The following MAGI2 variants were observed in gnomAD, a reference collection of about 807,000 sequenced individuals.
MAGI2 encodes membrane associated guanylate kinase, WW and PDZ domain containing 2.
A neutral mutation model predicts 133.3 loss-of-function variants in MAGI2; 35 were observed. That is an observed-to-expected ratio of 0.26 (90% CI 0.20 to 0.35). The LOEUF (loss-of-function observed/expected upper bound fraction) is 0.35. Among genes scored for constraint, MAGI2 ranks in the 10% least tolerant of loss-of-function variants. MAGI2 has a pLI of 1.00. For missense variants in MAGI2, 1,636 were observed against 1,863.4 expected (o/e 0.88, Z 2.25); for synonymous variants, 729 against 710.6 (o/e 1.03, Z -0.41).
intron 2 of MAGI2, among the ~76,000 whole-genome samples, chr7:78,954,728 C>T (rs1358326349): frequency 6.6e-6 from 1 of 152,118 alleles, no homozygotes; most frequent in Non-Finnish European, 1.5e-5. Flanking sequence ...TTGAAAAGTG[C>T]TATTGAGCTG....
At chr7:78,558,266 A>G (rs946057879) in intron 3 of MAGI2, among the ~76,000 whole-genome samples, 1 of 152,200 alleles carries the variant, frequency 6.6e-6, no homozygotes, top group Admixed American at 6.5e-5. Context: ...ATTTAAAAAG[A>G]AACGTGGGTC....
chr7:78,565,796 T>G (rs1296083736), intron 3 of MAGI2, among the ~76,000 whole-genome samples: 1 of 152,150 alleles, frequency 6.6e-6, no homozygotes, highest in Non-Finnish European at 1.5e-5. Context: ...AATTTTGAAT[T>G]AAGAAAAATG....
chr7:78,250,914 G>A (rs536540947), intron 10 of MAGI2, among the ~76,000 whole-genome samples: 1 of 152,050 alleles, frequency 6.6e-6, no homozygotes, highest in Non-Finnish European at 1.5e-5. Context: ...TGACACCAAA[G>A]CCAGAGAAAT....
intron 2 of MAGI2, among the ~76,000 whole-genome samples, chr7:79,002,609 C>A (rs1314784645): frequency 6.6e-6 from 1 of 151,824 alleles, no homozygotes; most frequent in Non-Finnish European, 1.5e-5. Flanking sequence ...AAAAGTATAT[C>A]TGGGAGATAA....
intron 1 of MAGI2, among the ~76,000 whole-genome samples, chr7:79,189,045 G>C (rs2129550985): frequency 6.6e-6 from 1 of 151,726 alleles, no homozygotes; most frequent in South Asian, 2.1e-4. Context: ...TTTAAATTTT[G>C]TTGTTGTTTT....
chr7:78,107,471 A>G (rs928029927), intron 20 of MAGI2, among the ~76,000 whole-genome samples: 6 of 152,162 alleles, frequency 3.9e-5, no homozygotes, highest in African/African-American at 7.2e-5. Context: ...AATTCTTCCA[A>G]TCTATGAACA....
At chr7:78,410,988 A>G (rs1386550770) in intron 6 of MAGI2, among the ~76,000 whole-genome samples, 1 of 152,080 alleles carries the variant, frequency 6.6e-6, no homozygotes, top group Admixed American at 6.6e-5. Context: ...GCCATCAACA[A>G]TGATAAAAGC....
intron 1 of MAGI2, among the ~76,000 whole-genome samples, chr7:79,025,192 T>A (rs1156686951): frequency 6.6e-6 from 1 of 152,064 alleles, no homozygotes; most frequent in Non-Finnish European, 1.5e-5. Context: ...TGAGATCATA[T>A]CTTTTGCAGT....
chr7:78,110,340 A>G (rs542686178), intron 20 of MAGI2, among the ~76,000 whole-genome samples: 1 of 152,338 alleles, frequency 6.6e-6, no homozygotes, highest in Admixed American at 6.5e-5. Context: ...GACCAGGGGT[A>G]TATGCATCCT....
intron 2 of MAGI2, among the ~76,000 whole-genome samples, chr7:78,740,158 C>CT (rs1203801379): frequency 1.2e-4 from 18 of 144,326 alleles, no homozygotes; most frequent in Admixed American, 7.5e-4. Context: ...CAGACTCTGT[C>CT]TAAAAAAAAA....
chr7:78,325,538 T>C (rs760666462), intron 9 of MAGI2, among the ~76,000 whole-genome samples: 13 of 152,228 alleles, frequency 8.5e-5, no homozygotes, highest in Non-Finnish European at 1.6e-4. Flanking sequence ...TCCACCCCTC[T>C]CTTCTATGCA....
chr7:78,019,821 T>A lies in MAGI2; in HGVS notation c.3862A>T (p.Ile1288Phe). Residue 1288 changes from isoleucine (I) to phenylalanine (F), a missense_variant, in exon 22 of 22, where the codon ATC (isoleucine) becomes TTC (phenylalanine). Ile to Phe is a conservative substitution (Grantham distance 21). Transcript: ENST00000354212. The stretch of plus-strand genomic sequence containing the variant: ...TTCCTAACGTCGTGTTCCCGTTTGA[T>A]ATCCCAAGTTGGGCCTGGGCTTATC... ...HQISPGPTWDIKREHDVRKPK... is the reference protein window; with the variant it reads ...HQISPGPTWDFKREHDVRKPK... 1.2e-6 allele frequency: 2 copies of A among 1,613,560 alleles called. No homozygotes were observed. Among genetic ancestry groups the A allele is most frequent in the Non-Finnish European group, 1.7e-6 (2 of 1,179,928 alleles).
chr7:78,178,751 G>C (rs566029795), intron 13 of MAGI2, among the ~76,000 whole-genome samples: 1 of 152,206 alleles, frequency 6.6e-6, no homozygotes, highest in South Asian at 2.1e-4. Flanking sequence ...ATAACTTACA[G>C]GTAGAAATTC....
intron 1 of MAGI2, among the ~76,000 whole-genome samples, chr7:79,260,480 G>A (rs1008844763): frequency 3.3e-5 from 5 of 152,094 alleles, no homozygotes; most frequent in Admixed American, 6.6e-5. Flanking sequence ...AAGAAGATAG[G>A]AATCTGCCTA....
At chr7:78,762,299 C>T (rs1395873625) in intron 2 of MAGI2, among the ~76,000 whole-genome samples, 5 of 151,776 alleles carry the variant, frequency 3.3e-5, no homozygotes, top group Admixed American at 6.6e-5. Flanking sequence ...CAAAATTAGC[C>T]GGGCGTGGTG....
At chr7:78,072,623 A>G in intron 21 of MAGI2, 1 of 296,556 alleles carries the variant, frequency 3.4e-6, no homozygotes, top group Non-Finnish European at 6.2e-6. Flanking sequence ...GAAAGGATGT[A>G]CTCAGCAGAT....
At chr7:78,061,821 A>C (rs761577012) in intron 21 of MAGI2, among the ~76,000 whole-genome samples, 23 of 152,324 alleles carry the variant, frequency 1.5e-4, no homozygotes, top group Middle Eastern at 3.4e-3. Context: ...CAGCGAATAC[A>C]CTGACCAACA....
At chr7:78,915,141 C>T (rs990648220) in intron 2 of MAGI2, among the ~76,000 whole-genome samples, 4 of 152,022 alleles carry the variant, frequency 2.6e-5, no homozygotes, top group African/African-American at 7.2e-5. Flanking sequence ...TATTTGCTCC[C>T]GCTATAATAA....
chr7:78,927,642 C>G (rs193201046), intron 2 of MAGI2, among the ~76,000 whole-genome samples: 1 of 151,882 alleles, frequency 6.6e-6, no homozygotes, highest in Non-Finnish European at 1.5e-5. Context: ...AAAACTCTTT[C>G]CTTTTTTTAG....
Sources: allele counts gnomAD v4.1 joint callset (sites outside exome capture counted in the v4.1 genomes callset), GRCh38; gene constraint gnomAD v4.1.1; transcripts MANE v1.5; gene names NCBI Gene and HGNC (gene_info 2026-07-23, HGNC 2026-07-21).